ESYT2: variants seen among roughly 807,000 people sequenced by gnomAD.
ESYT2 encodes the protein extended synaptotagmin-2.
In ESYT2, 54 loss-of-function variants were observed where a neutral mutation model predicts 107.2. That is an observed-to-expected ratio of 0.50 (90% confidence interval 0.40 to 0.63). ESYT2 has a LOEUF of 0.63. Ranked by LOEUF, ESYT2 falls within the 30% of genes least tolerant of loss-of-function variation. The pLI, the probability that ESYT2 is intolerant of heterozygous loss-of-function variation, is 0.00. For missense variants in ESYT2, 1,020 were observed against 1,094.5 expected, an observed-to-expected ratio of 0.93 and a Z score of 0.96; for synonymous variants, 491 against 434.1, an observed-to-expected ratio of 1.13 and a Z score of -1.63.
chr7:158,805,137 T>C (rs1554424707), intron 1 of ESYT2, among the ~76,000 whole-genome samples: 1 of 152,188 alleles, frequency 6.6e-6, no homozygotes, highest in Non-Finnish European at 1.5e-5. Flanking sequence ...CTGCTGAACT[T>C]AGCAGTAGAG....
At chr7:158,828,817 G>A (rs892204316) in intron 1 of ESYT2, among the ~76,000 whole-genome samples, 19 of 147,350 alleles carry the variant, frequency 1.3e-4, no homozygotes, top group African/African-American at 4.4e-4. Context: ...TGGGAGTCGG[G>A]GCCGGGGGGC....
intron 1 of ESYT2, among the ~76,000 whole-genome samples, chr7:158,810,287 CT>C (rs1205927674): frequency 6.6e-6 from 1 of 152,208 alleles, no homozygotes; most frequent in African/African-American, 2.4e-5. Flanking sequence ...AGGATCATTA[CT>C]TGATAAATGG....
rs780677876 is a variant in ESYT2, at chr7:158,741,885, G to A, written c.1806C>T (p.Leu602=). 185 of 1,603,770 alleles carry A rather than the reference G, an allele frequency of 1.2e-4. No homozygotes were observed. Among genetic ancestry groups the A allele is most frequent in the African/African-American group, 9.3e-4 (69 of 74,522 alleles). ...KMKIALRVLH[L]EKRERPPDHQ... ...GGTCTGGAGGCCTTTCTCGCTTTTC[G>A]AGATGGAGCACCTAGAGGTGGACAT... is the stretch of plus-strand genomic sequence containing the variant. The change falls in exon 18 of 23, where the codon CTC becomes CTT. Residue 602 remains leucine (L), a synonymous_variant. Coordinates refer to ENST00000275418, the MANE Select transcript of ESYT2 (RefSeq NM_001367773.1).
In ESYT2 at chr7:158,741,769, G is replaced by C; in HGVS notation, c.1922C>G (p.Pro641Arg). ...IKSHMSGSPG[P>R]GGSNTAPSTP... ...GGATGGAGCTGTGTTGCTGCCACCA[G>C]GGCCTGGAGACCCAGACATATGAGA... Residue 641 changes from proline (P) to arginine (R), a missense_variant, in exon 18 of 23, where the codon CCT becomes CGT. Pro to Arg is a moderately radical substitution (Grantham distance 103, BLOSUM62 -2). Coordinates refer to ENST00000275418, the MANE Select transcript of ESYT2 (RefSeq NM_001367773.1). The C allele has an allele frequency of 6.2e-7, 1 of 1,614,056 alleles. No individual in the cohort carries two copies. The highest frequency in any genetic ancestry group is 8.5e-7 in the Non-Finnish European group (1 of 1,180,000).
At chr7:158,737,359 A>G (rs1287668445) in intron 19 of ESYT2, among the ~76,000 whole-genome samples, 180 bp from the exon 20 acceptor site, 1 of 152,132 alleles carries the variant, frequency 6.6e-6, no homozygotes, top group African/African-American at 2.4e-5. Flanking sequence ...GGCATCTCCC[A>G]AACTCCTTTC....
intron 1 of ESYT2, among the ~76,000 whole-genome samples, chr7:158,810,755 T>TGTC (rs1839971841): frequency 6.6e-6 from 1 of 151,804 alleles, no homozygotes; most frequent in Non-Finnish European, 1.5e-5. Context: ...GTCCAGAAGG[T>TGTC]GTCTTCCTCT....
intron 16 of ESYT2, among the ~76,000 whole-genome samples, chr7:158,747,581 G>A (rs994147512): frequency 2.9e-4 from 44 of 152,110 alleles, no homozygotes; most frequent in African/African-American, 9.9e-4. Flanking sequence ...GAGATGTGGG[G>A]CCCGCTCGAC....
intron 1 of ESYT2, among the ~76,000 whole-genome samples, chr7:158,821,451 C>T (rs896948080): frequency 6.6e-6 from 1 of 152,244 alleles, no homozygotes; most frequent in African/African-American, 2.4e-5. Flanking sequence ...AAGTATACTG[C>T]ATTACACAGT....
intron 1 of ESYT2, among the ~76,000 whole-genome samples, chr7:158,806,111 C>CTGG (rs1563032948): frequency 4.6e-5 from 7 of 151,880 alleles, no homozygotes; most frequent in African/African-American, 1.7e-4. Context: ...GTGGGAGGCG[C>CTGG]CGGGGCACAC....
Position 158,787,998 on chromosome 7 carries a change from A to C in ESYT2, c.747+6T>G. 1.9e-6 allele frequency: 3 copies of C among 1,607,118 alleles called. No individual in the cohort carries two copies. The highest frequency in any genetic ancestry group is 2.6e-6 in the Non-Finnish European group (3 of 1,173,674). ...GAAAATAAAAATGAAATAAATATTG[A>C]CTTACTGGTTTCCTAAGGAAGAAGA... On this transcript the variant is annotated splice_donor_region_variant and intron_variant, in intron 6 of 22. Coordinates refer to ENST00000275418, the MANE Select transcript of ESYT2 (RefSeq NM_001367773.1).
intron 16 of ESYT2, among the ~76,000 whole-genome samples, chr7:158,746,812 C>T (rs183893438): frequency 7.0e-4 from 107 of 152,270 alleles, no homozygotes; most frequent in Admixed American, 9.8e-4. Context: ...GTGGGAACAT[C>T]GCTGCTCGAG....
chr7:158,811,025 T>C lies in ESYT2; in HGVS notation c.331-11953A>G, dbSNP rs1839980860. On this transcript the variant is annotated intron_variant, in intron 1 of 22. Transcript: ENST00000275418. The stretch of plus-strand genomic sequence containing the variant: ...AAAAAACAAAAGGGGTAAGGCGCAG[T>C]GGCTCAAGCCTGTAATCCCAGCACT... Among the ~76,000 whole-genome samples, 3 of 128,630 alleles carry C rather than the reference T, an allele frequency of 2.3e-5. No homozygotes were observed. The Admixed American group carries it at 2.4e-4, about 10-fold the overall frequency. The allele number at this position is 128,630 out of a possible 152,430, so 84.4% of individuals were successfully genotyped here.
intron 1 of ESYT2, among the ~76,000 whole-genome samples, chr7:158,818,399 A>G (rs1840202892): frequency 6.6e-6 from 1 of 152,244 alleles, no homozygotes; most frequent in African/African-American, 2.4e-5. Flanking sequence ...TTTACGGCAC[A>G]CATACTTGCA....
chr7:158,773,994 A>G (rs1838464645), intron 6 of ESYT2, among the ~76,000 whole-genome samples: 1 of 152,166 alleles, frequency 6.6e-6, no homozygotes, highest in South Asian at 2.1e-4. Flanking sequence ...TGCTCTACCC[A>G]CTCATTCAAC....
intron 1 of ESYT2, among the ~76,000 whole-genome samples, chr7:158,811,133 G>A (rs1053211745): frequency 1.3e-5 from 2 of 151,852 alleles, no homozygotes; most frequent in African/African-American, 2.4e-5. Context: ...GCACTCCAGC[G>A]TGGCAACAGA....
chr7:158,766,933 G>A (rs1309233206), intron 8 of ESYT2, among the ~76,000 whole-genome samples: 2 of 152,168 alleles, frequency 1.3e-5, no homozygotes, highest in Non-Finnish European at 2.9e-5. Flanking sequence ...TCCATAGTCA[G>A]CAGAAGGAAT....
chr7:158,782,284 G>A (rs1433262154), intron 6 of ESYT2, among the ~76,000 whole-genome samples: 1 of 59,566 alleles, frequency 1.7e-5, no homozygotes, highest in Non-Finnish European at 4.9e-5. Context: ...CAAAATGTGA[G>A]AAATGTGTGA....
At chr7:158,800,732 T>TC (rs1252176643) in intron 1 of ESYT2, among the ~76,000 whole-genome samples, 1 of 121,698 alleles carries the variant, frequency 8.2e-6, no homozygotes, top group Admixed American at 7.6e-5. Flanking sequence ...TTCTTTTCTT[T>TC]TCTTTTTTTT....
chr7:158,781,052 AGT>A (rs932970477), intron 6 of ESYT2, among the ~76,000 whole-genome samples: 3 of 152,228 alleles, frequency 2.0e-5, no homozygotes, highest in African/African-American at 4.8e-5. Context: ...ATATGTGAGG[AGT>A]GTGTGAGAAC....
Sources: gnomAD v4.1 joint callset for allele counts (sites outside exome capture counted in the v4.1 genomes callset) on GRCh38, gnomAD v4.1.1 for gene constraint, MANE v1.5 for transcripts, NCBI Gene and HGNC (gene_info 2026-07-23, HGNC 2026-07-21) for gene names.